SRGAP3: variants seen among roughly 807,000 people sequenced by gnomAD.
SRGAP3 encodes SLIT-ROBO Rho GTPase activating protein 3.
Under a neutral mutation model 121.1 loss-of-function variants are expected in SRGAP3, and 39 were observed. The ratio of observed to expected loss-of-function variants is 0.32; its 90% CI spans 0.25 to 0.42. The LOEUF is 0.42. Among genes scored for constraint, SRGAP3 ranks in the 10% least tolerant of loss-of-function variants. The probability of loss-of-function intolerance (pLI) is 1.00; values close to 1 mark genes in which losing one functional copy is unlikely to be tolerated. For synonymous variants in SRGAP3, 601 were observed against 570.0 expected, an observed-to-expected ratio of 1.05 and a Z score of -0.77; for missense variants, 1,213 against 1,470.6, an observed-to-expected ratio of 0.82 and a Z score of 2.86.
chr3:9,143,164 C>T (rs1949917577), intron 1 of SRGAP3, among the ~76,000 whole-genome samples: 1 of 152,152 alleles, frequency 6.6e-6, no homozygotes. Flanking sequence ...TAACATACCT[C>T]TGTTCCCTGT....
intron 10 of SRGAP3, among the ~76,000 whole-genome samples, chr3:9,041,993 C>T (rs1354360344): frequency 2.6e-5 from 4 of 151,444 alleles, no homozygotes; most frequent in Non-Finnish European, 5.9e-5. Context: ...CCCGGCTACT[C>T]GGGAGGCTAA....
intron 12 of SRGAP3, chr3:9,028,149 C>T: frequency 6.2e-7 from 1 of 1,614,142 alleles, no homozygotes; most frequent in Non-Finnish European, 8.5e-7. Context: ...AAAAAATAAA[C>T]AGGCAGCAGA....
chr3:9,111,681 T>C (rs374575422), intron 2 of SRGAP3, among the ~76,000 whole-genome samples: 2 of 152,266 alleles, frequency 1.3e-5, no homozygotes, highest in South Asian at 2.1e-4. Context: ...GTTCCTGGGG[T>C]TGTTTGCCCC....
chr3:9,329,403 CT>C (rs1344004876), intron 2 of SRGAP3, among the ~76,000 whole-genome samples: 1 of 152,060 alleles, frequency 6.6e-6, no homozygotes, highest in African/African-American at 2.4e-5. Flanking sequence ...GAAAAATGAT[CT>C]TTTTTTGTTC....
At chr3:9,234,886 T>C (rs1334623425) in intron 1 of SRGAP3, among the ~76,000 whole-genome samples, 1 of 152,088 alleles carries the variant, frequency 6.6e-6, no homozygotes, top group Non-Finnish European at 1.5e-5. Flanking sequence ...TAGACAAGCC[T>C]CTCCCTTTAG....
intron 4 of SRGAP3, among the ~76,000 whole-genome samples, chr3:9,071,640 G>GTGGATGGATGGA (rs3067636): frequency 2.1e-5 from 3 of 144,822 alleles, no homozygotes; most frequent in African/African-American, 7.8e-5. Flanking sequence ...ATTCTCAAAG[G>GTGGATGGATGGA]TGGATGGATG....
At chr3:9,174,497 C>A (rs990834683) in intron 1 of SRGAP3, among the ~76,000 whole-genome samples, 11 of 152,122 alleles carry the variant, frequency 7.2e-5, no homozygotes, top group African/African-American at 2.2e-4. Context: ...CAGGAGACTG[C>A]GGGCAGAATG....
At chr3:9,269,298 T>C (rs997139684) in intron 3 of SRGAP3, among the ~76,000 whole-genome samples, 6 of 151,834 alleles carry the variant, frequency 4.0e-5, no homozygotes, top group African/African-American at 1.5e-4. Context: ...CAGTCTGGAG[T>C]CCACTAGTGG....
chr3:9,208,080 G>A (rs527519795), intron 1 of SRGAP3, among the ~76,000 whole-genome samples: 12 of 152,102 alleles, frequency 7.9e-5, no homozygotes, highest in East Asian at 7.8e-4. Flanking sequence ...TGCAGGGCCC[G>A]CAAATGATTC....
chr3:9,344,685 T>C (rs1415282141), intron 1 of SRGAP3, among the ~76,000 whole-genome samples: 1 of 151,680 alleles, frequency 6.6e-6, no homozygotes, highest in Non-Finnish European at 1.5e-5. Context: ...TTTTATCCAA[T>C]GGAAATAGCA....
At chr3:9,063,906 T>C (rs985979560) in intron 5 of SRGAP3, among the ~76,000 whole-genome samples, 6 of 152,218 alleles carry the variant, frequency 3.9e-5, no homozygotes, top group African/African-American at 1.4e-4. Context: ...CATCTTTGAA[T>C]TGGCAATGGC....
chr3:9,030,211 C>T (rs1030448284), intron 12 of SRGAP3, among the ~76,000 whole-genome samples: 8 of 152,144 alleles, frequency 5.3e-5, no homozygotes, highest in African/African-American at 1.7e-4. Flanking sequence ...ATTTAACAAA[C>T]ACACCTTTTT....
intron 1 of SRGAP3, among the ~76,000 whole-genome samples, chr3:9,132,989 G>A (rs953922807): frequency 1.3e-5 from 2 of 148,148 alleles, no homozygotes; most frequent in Non-Finnish European, 3.0e-5. Context: ...AGAAATAATG[G>A]CATATATATA....
intron 1 of SRGAP3, among the ~76,000 whole-genome samples, chr3:9,130,561 A>G (rs1249747330): frequency 6.6e-6 from 1 of 152,232 alleles, no homozygotes; most frequent in African/African-American, 2.4e-5. Flanking sequence ...GAGCAGAGCC[A>G]GCAATCAAAC....
At chr3:9,181,663 A>G (rs1393279910) in intron 1 of SRGAP3, among the ~76,000 whole-genome samples, 3 of 152,174 alleles carry the variant, frequency 2.0e-5, no homozygotes, top group Non-Finnish European at 4.4e-5. Context: ...ACAACGCATC[A>G]TAACCTTCTG....
At chr3:9,005,099 A>T (rs192122379) in intron 18 of SRGAP3, among the ~76,000 whole-genome samples, 12 of 152,368 alleles carry the variant, frequency 7.9e-5, no homozygotes, top group African/African-American at 2.9e-4. Flanking sequence ...AATAATAAAA[A>T]CACAAATAAC....
At chr3:9,243,088 G>A (rs770477584) in intron 1 of SRGAP3, among the ~76,000 whole-genome samples, 3 of 152,136 alleles carry the variant, frequency 2.0e-5, no homozygotes, top group Admixed American at 6.5e-5. Context: ...TCAAGAGTTC[G>A]TGGCCAAAGA....
intron 2 of SRGAP3, among the ~76,000 whole-genome samples, chr3:9,116,508 C>T (rs1293633636): frequency 6.6e-6 from 1 of 152,182 alleles, no homozygotes; most frequent in East Asian, 1.9e-4. Flanking sequence ...ATGCAAGCCC[C>T]ACACAACTCA....
At chr3:9,096,884 ATAT>A (rs1334631576) in intron 3 of SRGAP3, among the ~76,000 whole-genome samples, 13 of 141,674 alleles carry the variant, frequency 9.2e-5, no homozygotes, top group South Asian at 8.9e-4. Flanking sequence ...AATATATAAT[ATAT>A]TATTATATAT....
Sources: allele counts gnomAD v4.1 joint callset (sites outside exome capture counted in the v4.1 genomes callset), GRCh38; gene constraint gnomAD v4.1.1; transcripts MANE v1.5; gene names NCBI Gene and HGNC (gene_info 2026-07-23, HGNC 2026-07-21).